The following DLC1 variants were observed in gnomAD, a reference collection of about 807,000 sequenced individuals.
The protein encoded by DLC1 is DLC1 Rho GTPase activating protein.
DLC1 carries 54 observed loss-of-function variants against 140.3 expected under a neutral mutation model. That is an observed-to-expected ratio of 0.38 (90% CI 0.31 to 0.48). The LOEUF is 0.48. DLC1 is among the 20% of genes least tolerant of loss of function. The pLI is 0.96. For synonymous variants in DLC1, 986 were observed against 728.1 expected, an observed-to-expected ratio of 1.35 and a Z score of -5.70; for missense variants, 2,536 against 1,907.0, an observed-to-expected ratio of 1.33 and a Z score of -6.14.
intron 1 of DLC1, among the ~76,000 whole-genome samples, chr8:13,545,677 G>C (rs996526000): frequency 6.6e-6 from 1 of 151,916 alleles, no homozygotes; most frequent in Non-Finnish European, 1.5e-5. Context: ...ACAAAGTATT[G>C]AATTTGGAAT....
intron 5 of DLC1, among the ~76,000 whole-genome samples, chr8:13,203,610 A>G (rs1827507843): frequency 1.3e-5 from 2 of 152,222 alleles, no homozygotes; most frequent in South Asian, 4.1e-4. Context: ...CTAGTTTTCC[A>G]TCCTCTCTTC....
At chr8:13,454,804 T>A (rs948343790) in intron 2 of DLC1, among the ~76,000 whole-genome samples, 6 of 152,196 alleles carry the variant, frequency 3.9e-5, no homozygotes, top group Non-Finnish European at 8.8e-5. Context: ...TCCTCCTGCT[T>A]TGGCCTCTCA....
chr8:13,146,376 G>C (rs1823440967), intron 5 of DLC1, among the ~76,000 whole-genome samples: 1 of 151,428 alleles, frequency 6.6e-6, no homozygotes, highest in Non-Finnish European at 1.5e-5. Flanking sequence ...ATCAGTACTA[G>C]TTACCCTCTA....
At chr8:13,157,062 G>T (rs189305963) in intron 5 of DLC1, among the ~76,000 whole-genome samples, 1 of 152,166 alleles carries the variant, frequency 6.6e-6, no homozygotes, top group Non-Finnish European at 1.5e-5. Flanking sequence ...ATTTACCGGG[G>T]ACTTTTTGGA....
At chr8:13,132,897 GC>G (rs1563661487) in intron 5 of DLC1, 5 of 1,558,034 alleles carry the variant, frequency 3.2e-6, no homozygotes, top group Non-Finnish European at 4.3e-6. Flanking sequence ...CCCCTCCGCA[GC>G]CCGCTCCCGC....
intron 1 of DLC1, among the ~76,000 whole-genome samples, chr8:13,564,653 C>T (rs1365524216): frequency 6.6e-6 from 1 of 152,132 alleles, no homozygotes; most frequent in African/African-American, 2.4e-5. Flanking sequence ...TTTCTCCCTC[C>T]ATAGGAAAGG....
intron 3 of DLC1, 54 bp from the exon 4 acceptor site, chr8:13,393,747 CCTT>C: frequency 8.3e-6 from 13 of 1,569,386 alleles, no homozygotes; most frequent in Admixed American, 1.8e-5. Flanking sequence ...TCCCAAATGC[CCTT>C]CTTCCTACCA....
intron 4 of DLC1, among the ~76,000 whole-genome samples, chr8:13,386,259 A>G (rs546456278): frequency 6.6e-6 from 1 of 152,246 alleles, no homozygotes; most frequent in East Asian, 1.9e-4. Context: ...CTAATCTATC[A>G]TTCTTATGTG....
At chr8:13,433,918 C>T (rs554160839) in intron 2 of DLC1, among the ~76,000 whole-genome samples, 10 of 152,220 alleles carry the variant, frequency 6.6e-5, no homozygotes, top group African/African-American at 1.7e-4. Flanking sequence ...TGCAATGGCA[C>T]GATCTCGGCT....
At chr8:13,310,703 C>T (rs921560332) in intron 4 of DLC1, among the ~76,000 whole-genome samples, 11 of 152,222 alleles carry the variant, frequency 7.2e-5, no homozygotes, top group African/African-American at 2.7e-4. Flanking sequence ...TCAATGATTT[C>T]AGTCTGCTTT....
chr8:13,334,144 C>G (rs1478556827), intron 4 of DLC1, among the ~76,000 whole-genome samples: 2 of 152,144 alleles, frequency 1.3e-5, no homozygotes, highest in African/African-American at 2.4e-5. Flanking sequence ...GACGTCAGCT[C>G]TCATGGTGGT....
At chr8:13,134,999 C>A (rs947619235) in intron 5 of DLC1, among the ~76,000 whole-genome samples, 3 of 152,022 alleles carry the variant, frequency 2.0e-5, no homozygotes, top group African/African-American at 7.3e-5. Context: ...GCTGTGAGGG[C>A]CCAGGAAATG....
At chr8:13,562,762 T>G (rs1215755943) in intron 1 of DLC1, among the ~76,000 whole-genome samples, 1 of 152,204 alleles carries the variant, frequency 6.6e-6, no homozygotes, top group Non-Finnish European at 1.5e-5. Flanking sequence ...AAATTTTGAT[T>G]TCTTATAATA....
chr8:13,156,994 C>G (rs1585795490), intron 5 of DLC1, among the ~76,000 whole-genome samples: 1 of 152,072 alleles, frequency 6.6e-6, no homozygotes, highest in East Asian at 1.9e-4. Context: ...AAATCTGATT[C>G]TCAGACAGGA....
chr8:13,361,826 C>T (rs1189304660), intron 4 of DLC1, among the ~76,000 whole-genome samples: 1 of 152,188 alleles, frequency 6.6e-6, no homozygotes, highest in Non-Finnish European at 1.5e-5. Flanking sequence ...TGCTGCCTAA[C>T]TTCTTATTTA....
chr8:13,419,154 C>G (rs1298566658), intron 2 of DLC1, among the ~76,000 whole-genome samples: 1 of 152,162 alleles, frequency 6.6e-6, no homozygotes, highest in African/African-American at 2.4e-5. Context: ...ATCATGTGGT[C>G]TGCAAACAGG....
intron 5 of DLC1, among the ~76,000 whole-genome samples, chr8:13,289,074 C>G (rs1481049783): frequency 2.6e-5 from 4 of 152,164 alleles, no homozygotes; most frequent in African/African-American, 9.7e-5. Context: ...ACTCCTGTGA[C>G]CTGTTCCTTT....
At chr8:13,441,880 A>C (rs889624451) in intron 2 of DLC1, among the ~76,000 whole-genome samples, 5 of 152,186 alleles carry the variant, frequency 3.3e-5, no homozygotes, top group African/African-American at 4.8e-5. Flanking sequence ...GAACCAAAAA[A>C]GGGCCTGCAT....
chr8:13,359,788 T>C (rs1835136379), intron 4 of DLC1, among the ~76,000 whole-genome samples: 1 of 152,050 alleles, frequency 6.6e-6, no homozygotes, highest in Non-Finnish European at 1.5e-5. Context: ...ACCAGAGAAG[T>C]TGGGTGGTGT....
Sources: gnomAD v4.1 joint callset for allele counts (sites outside exome capture counted in the v4.1 genomes callset) on GRCh38, gnomAD v4.1.1 for gene constraint, MANE v1.5 for transcripts, NCBI Gene and HGNC (gene_info 2026-07-23, HGNC 2026-07-21) for gene names.